ATG7: variants seen among roughly 807,000 people sequenced by gnomAD.
The protein encoded by ATG7 is ubiquitin-like modifier-activating enzyme ATG7.
ATG7 carries 70 observed loss-of-function variants against 82.4 expected under a neutral mutation model. The observed-to-expected ratio is 0.85, with a 90% CI of 0.70 to 1.04. The LOEUF (loss-of-function observed/expected upper bound fraction) is 1.04. Ranked by LOEUF, ATG7 falls within the 50% of genes least tolerant of loss-of-function variation. The probability of loss-of-function intolerance (pLI) is 0.00; values close to 1 mark genes in which losing one functional copy is unlikely to be tolerated. For synonymous variants in ATG7, 287 were observed against 313.0 expected, an observed-to-expected ratio of 0.92 and a Z score of 0.88; for missense variants, 792 against 864.3, an observed-to-expected ratio of 0.92 and a Z score of 1.05.
At chr3:11,443,833 A>G (rs1347002878) in intron 20 of ATG7, among the ~76,000 whole-genome samples, 1 of 152,250 alleles carries the variant, frequency 6.6e-6, no homozygotes, top group African/African-American at 2.4e-5. Context: ...CAAATGAGCT[A>G]TAACATATGC....
At chr3:11,452,210 C>T (rs955434536) in intron 20 of ATG7, among the ~76,000 whole-genome samples, 3 of 151,838 alleles carry the variant, frequency 2.0e-5, no homozygotes, top group Non-Finnish European at 4.4e-5. Flanking sequence ...CACAGTGAAA[C>T]CCTGTCTGTA....
At chr3:11,415,698 T>A (rs115436270) in intron 19 of ATG7, among the ~76,000 whole-genome samples, 2,806 of 151,830 alleles carry the variant, frequency 0.018, 86 homozygotes, top group African/African-American at 0.063. Flanking sequence ...TCAGGGGCAA[T>A]AACATGCATA....
At chr3:11,432,317 A>G (rs2082966228) in intron 20 of ATG7, among the ~76,000 whole-genome samples, 1 of 152,222 alleles carries the variant, frequency 6.6e-6, no homozygotes, top group South Asian at 2.1e-4. Context: ...CTAGACAGCT[A>G]GGATGCAATA....
chr3:11,526,241 A>G (rs1255223488), intron 20 of ATG7, among the ~76,000 whole-genome samples: 2 of 152,088 alleles, frequency 1.3e-5, no homozygotes, highest in African/African-American at 4.8e-5. Flanking sequence ...AAATACAAAA[A>G]TTAGCCGGGC....
intron 19 of ATG7, among the ~76,000 whole-genome samples, chr3:11,393,260 T>C (rs112001816): frequency 1.0e-3 from 157 of 152,320 alleles, no homozygotes; most frequent in African/African-American, 3.4e-3. Flanking sequence ...GGAAAAATTA[T>C]TTCTACCATC....
In ATG7 at chr3:11,462,739, C is replaced by G. The variant is rs905335688; in HGVS notation, c.2079+35813C>G. Among the ~76,000 whole-genome samples, 9 of 152,208 alleles carry G rather than the reference C, an allele frequency of 5.9e-5. No homozygotes were observed. The South Asian group carries it at 1.0e-3, about 18-fold the overall frequency. On this transcript the variant is annotated intron_variant, in intron 20 of 20. Coordinates refer to ENST00000693202, the MANE Select transcript of ATG7 (RefSeq NM_001349232.2). ...GAATTAACTATCCTCTCGCCACCCCCCCAGGGGCAGTCTTCCCAGCTAGAA... is the reference window on the plus strand; with the variant it reads ...GAATTAACTATCCTCTCGCCACCCCGCCAGGGGCAGTCTTCCCAGCTAGAA...
At chr3:11,562,798 T>A in the ATG7 span, among the ~76,000 whole-genome samples, 1 of 152,180 alleles carries the variant, frequency 6.6e-6, no homozygotes, top group Non-Finnish European at 1.5e-5. Flanking sequence ...CCCAGGAAAA[T>A]GGGCAGCTTG....
intron 14 of ATG7, among the ~76,000 whole-genome samples, chr3:11,354,627 C>G (rs9853547): frequency 0.64 from 88,006 of 137,474 alleles, 27,621 homozygotes; most frequent in East Asian, 0.69. Flanking sequence ...CCAGTCTGGT[C>G]ACAGAGTGAG....
intron 19 of ATG7, among the ~76,000 whole-genome samples, chr3:11,394,901 A>C (rs1328756904): frequency 6.6e-6 from 1 of 152,200 alleles, no homozygotes; most frequent in Non-Finnish European, 1.5e-5. Flanking sequence ...GCACACAAGA[A>C]GAGAAGGTAC....
chr3:11,502,418 C>T (rs936556014), intron 20 of ATG7, among the ~76,000 whole-genome samples: 1 of 131,006 alleles, frequency 7.6e-6, no homozygotes, highest in Non-Finnish European at 1.6e-5. Flanking sequence ...TGTTCCCCTT[C>T]CTGTGTCCAT....
intron 5 of ATG7, among the ~76,000 whole-genome samples, chr3:11,302,189 G>A (rs11706990): frequency 0.21 from 31,094 of 151,120 alleles, 3,553 homozygotes; most frequent in South Asian, 0.36. Flanking sequence ...GGAATCTATG[G>A]CTAATTAACT....
At chr3:11,435,856 A>G (rs1163041905) in intron 20 of ATG7, among the ~76,000 whole-genome samples, 1 of 152,238 alleles carries the variant, frequency 6.6e-6, no homozygotes, top group Non-Finnish European at 1.5e-5. Flanking sequence ...CAAAGGACAT[A>G]AGAATACGAA....
At chr3:11,341,503 A>T (rs1953619104) in intron 12 of ATG7, among the ~76,000 whole-genome samples, 1 of 148,416 alleles carries the variant, frequency 6.7e-6, no homozygotes, top group South Asian at 2.1e-4. Context: ...GCTGGAGTGC[A>T]GTGGCATGAT....
At chr3:11,545,193 G>T (rs1361876187) in intron 20 of ATG7, among the ~76,000 whole-genome samples, 1 of 152,184 alleles carries the variant, frequency 6.6e-6, no homozygotes, top group African/African-American at 2.4e-5. Context: ...GCCAGGGCTG[G>T]GGGCCTAGGG....
chr3:11,524,173 CTGAT>C (rs1223746501), intron 20 of ATG7, among the ~76,000 whole-genome samples: 1 of 152,222 alleles, frequency 6.6e-6, no homozygotes, highest in African/African-American at 2.4e-5. Flanking sequence ...CCCCTTTCCT[CTGAT>C]TGTCTACCTG....
chr3:11,531,340 C>G (rs2092689980), intron 20 of ATG7, among the ~76,000 whole-genome samples: 1 of 152,126 alleles, frequency 6.6e-6, no homozygotes, highest in Non-Finnish European at 1.5e-5. Flanking sequence ...CACAGAGGAA[C>G]AGGTCACTTA....
intron 20 of ATG7, among the ~76,000 whole-genome samples, chr3:11,499,777 T>C (rs946998528): frequency 1.3e-5 from 2 of 150,940 alleles, no homozygotes; most frequent in Non-Finnish European, 3.0e-5. Flanking sequence ...ACAAAAAATC[T>C]AAAATATCCC....
At chr3:11,500,321 T>C (rs2153060638) in intron 20 of ATG7, among the ~76,000 whole-genome samples, 1 of 152,282 alleles carries the variant, frequency 6.6e-6, no homozygotes, top group Admixed American at 6.5e-5. Context: ...AATATGATAT[T>C]AATGTATTAA....
At chr3:11,562,688 C>T in the ATG7 span, among the ~76,000 whole-genome samples, 2 of 152,208 alleles carry the variant, frequency 1.3e-5, no homozygotes, top group East Asian at 1.9e-4. Context: ...CGAATGGTTA[C>T]GACATGAATG....
Sources: gnomAD v4.1 joint callset for allele counts (sites outside exome capture counted in the v4.1 genomes callset) on GRCh38, gnomAD v4.1.1 for gene constraint, MANE v1.5 for transcripts, NCBI Gene and HGNC (gene_info 2026-07-23, HGNC 2026-07-21) for gene names.